CENPP: variants seen among roughly 807,000 people sequenced by gnomAD.
CENPP encodes centromere protein P.
A neutral mutation model predicts 35.6 loss-of-function variants in CENPP; 24 were observed. The observed-to-expected ratio is 0.67, with a 90% CI of 0.49 to 0.95. CENPP has a LOEUF of 0.95. Among genes scored for constraint, CENPP ranks in the 40% least tolerant of loss-of-function variants. The probability of loss-of-function intolerance (pLI) is 0.00; values close to 1 mark genes in which losing one functional copy is unlikely to be tolerated. For synonymous variants in CENPP, 120 were observed against 125.5 expected (o/e 0.96, Z 0.29); for missense variants, 332 against 345.3 (o/e 0.96, Z 0.31).
At chr9:92,542,921 TCTTTTACATGTGGATATCCAGTTTTC>T (rs1849348569) in intron 5 of CENPP, among the ~76,000 whole-genome samples, 1 of 152,230 alleles carries the variant, frequency 6.6e-6, no homozygotes, top group East Asian at 1.9e-4. Context: ...CTAACTTCAT[TCTTTTACATGTGGATATCCAGTTTTC>T]TCAGCACCAT....
At position 92,613,426 on chromosome 9, in the gene CENPP, T is replaced by G. The variant is rs554208425; in HGVS notation, c.*277T>G. 7 of 355,358 alleles carry G rather than the reference T, an allele frequency of 2.0e-5. No homozygotes were observed. The highest frequency in any genetic ancestry group is 1.1e-4 in the Admixed American group (3 of 26,160). The allele number at this position is 355,358 out of a possible 1,614,324, so 22.0% of individuals were successfully genotyped here. On this transcript the variant is annotated 3_prime_UTR_variant, in exon 8 of 8. Coordinates refer to ENST00000375587, the MANE Select transcript of CENPP (RefSeq NM_001012267.3). ...CCAAGTGGTTGTGTGTCCTCAGATG[T>G]GTGGGGAGGATCCATCCCCCACCCA...
At chr9:92,520,161 G>A (rs1459843709) in intron 5 of CENPP, among the ~76,000 whole-genome samples, 1 of 151,272 alleles carries the variant, frequency 6.6e-6, no homozygotes, top group African/African-American at 2.5e-5. Flanking sequence ...GTGCATTCTT[G>A]TAGTCCCAGC....
intron 5 of CENPP, among the ~76,000 whole-genome samples, chr9:92,468,786 G>A (rs1314975531): frequency 6.6e-6 from 1 of 151,914 alleles, no homozygotes; most frequent in East Asian, 1.9e-4. Flanking sequence ...CTACTTAACA[G>A]CTGGGGGCTT....
At chr9:92,602,239 C>T (rs935009340) in intron 5 of CENPP, among the ~76,000 whole-genome samples, 4 of 152,120 alleles carry the variant, frequency 2.6e-5, no homozygotes, top group African/African-American at 4.8e-5. Context: ...GATACTGATA[C>T]AAATGAATAA....
At chr9:92,546,889 A>G (rs1364404673) in intron 5 of CENPP, among the ~76,000 whole-genome samples, 1 of 152,198 alleles carries the variant, frequency 6.6e-6, no homozygotes, top group South Asian at 2.1e-4. Context: ...AAATCTTCCC[A>G]CAAGAGATAC....
chr9:92,382,424 T>C (rs939919831), intron 5 of CENPP, among the ~76,000 whole-genome samples: 33 of 152,142 alleles, frequency 2.2e-4, no homozygotes, highest in Admixed American at 6.5e-5. Flanking sequence ...TCGTTAATTA[T>C]AGTCATCTTA....
intron 5 of CENPP, among the ~76,000 whole-genome samples, chr9:92,528,209 C>A (rs1028218290): frequency 1.3e-5 from 2 of 152,136 alleles, no homozygotes; most frequent in African/African-American, 4.8e-5. Flanking sequence ...AAACATTAAA[C>A]AAAGAGCAGT....
At chr9:92,385,935 A>G in intron 5 of CENPP, 2 of 737,020 alleles carry the variant, frequency 2.7e-6, no homozygotes, top group East Asian at 5.3e-5. Context: ...AAATACTCAA[A>G]TGTACACCTG....
intron 5 of CENPP, among the ~76,000 whole-genome samples, chr9:92,479,617 C>T (rs951802578): frequency 1.3e-5 from 2 of 152,220 alleles, no homozygotes; most frequent in Non-Finnish European, 2.9e-5. Context: ...AGTTGTCCAT[C>T]CATGGCTGTT....
chr9:92,487,529 A>T (rs1435288810), intron 5 of CENPP, among the ~76,000 whole-genome samples: 1 of 152,264 alleles, frequency 6.6e-6, no homozygotes, highest in East Asian at 1.9e-4. Flanking sequence ...ATGTCAACTA[A>T]TGAATGCAGA....
chr9:92,397,367 AC>A (rs1842932921), intron 5 of CENPP, among the ~76,000 whole-genome samples: 1 of 152,052 alleles, frequency 6.6e-6, no homozygotes, highest in South Asian at 2.1e-4. Context: ...TCGCCCTGTC[AC>A]CCAGGCTGGA....
intron 4 of CENPP, among the ~76,000 whole-genome samples, chr9:92,362,935 C>A (rs780487430): frequency 6.6e-6 from 1 of 152,052 alleles, no homozygotes; most frequent in Non-Finnish European, 1.5e-5. Context: ...CTCAAAGTGT[C>A]CCGGATTTGA....
rs369924884 is a variant in CENPP, at chr9:92,376,233, A to C, written c.468-3530A>C. On this transcript the variant is annotated intron_variant, in intron 4 of 7. Coordinates refer to ENST00000375587, the MANE Select transcript of CENPP (RefSeq NM_001012267.3). ...TATTCCCCAAAGATTCTCATTCCCT[A>C]CCTTTTCTTTCCTTGGCTTTCAGCA... is the stretch of plus-strand genomic sequence containing the variant. Among the ~76,000 whole-genome samples, 52 of 152,164 alleles carry C rather than the reference A, an allele frequency of 3.4e-4. No individual in the cohort carries two copies. In the East Asian group the frequency reaches 9.3e-3, roughly 27 times the overall value.
In CENPP at chr9:92,385,446, T is replaced by C. The variant is rs144616934; in HGVS notation, c.564+5587T>C. On this transcript the variant is annotated intron_variant, in intron 5 of 7. Transcript: ENST00000375587. ...CTTTGTTTCGAACGTAGACATTCAGTCTTACTTTTTACTTATTATATGTAA... is the reference window on the plus strand; with the variant it reads ...CTTTGTTTCGAACGTAGACATTCAGCCTTACTTTTTACTTATTATATGTAA... 132 of 573,814 alleles carry C rather than the reference T, an allele frequency of 2.3e-4. 1 individual carries two copies. The highest frequency in any genetic ancestry group is 2.1e-3 in the African/African-American group (112 of 52,872). The allele number at this position is 573,814 out of a possible 1,614,324, so 35.5% of individuals were successfully genotyped here. A position where few individuals can be genotyped will look rare whatever the true frequency, so the allele number is the denominator to read the frequency against.
chr9:92,425,049 C>T (rs1477238305), intron 5 of CENPP, among the ~76,000 whole-genome samples: 1 of 152,234 alleles, frequency 6.6e-6, no homozygotes, highest in Non-Finnish European at 1.5e-5. Flanking sequence ...TTTGTTAAAA[C>T]AAGAAATCAG....
intron 5 of CENPP, among the ~76,000 whole-genome samples, chr9:92,491,688 C>T (rs1846176127): frequency 6.6e-6 from 1 of 152,128 alleles, no homozygotes; most frequent in African/African-American, 2.4e-5. Flanking sequence ...CTTCTTTGGT[C>T]CCTTTTCTGT....
intron 5 of CENPP, chr9:92,414,575 C>G (rs1468667275): frequency 4.8e-6 from 1 of 209,140 alleles, no homozygotes; most frequent in African/African-American, 2.3e-5. Flanking sequence ...CCTGGATGGC[C>G]TCTTACAAAT....
chr9:92,407,132 G>A (rs1843328316), intron 5 of CENPP, among the ~76,000 whole-genome samples: 1 of 152,200 alleles, frequency 6.6e-6, no homozygotes, highest in Non-Finnish European at 1.5e-5. Flanking sequence ...ATGTGGCAGT[G>A]TATGTGGGGT....
intron 5 of CENPP, among the ~76,000 whole-genome samples, chr9:92,518,844 G>A (rs1394822490): frequency 6.6e-6 from 1 of 152,122 alleles, no homozygotes; most frequent in Non-Finnish European, 1.5e-5. Flanking sequence ...AGCCAAGATC[G>A]TTCCACTGTA....
Sources: allele counts gnomAD v4.1 joint callset (sites outside exome capture counted in the v4.1 genomes callset), GRCh38; gene constraint gnomAD v4.1.1; transcripts MANE v1.5; gene names NCBI Gene and HGNC (gene_info 2026-07-23, HGNC 2026-07-21).